LRRC75A: variants seen among roughly 807,000 people sequenced by gnomAD.
LRRC75A encodes the protein leucine rich repeat containing 75A.
LRRC75A carries 12 observed loss-of-function variants against 26.0 expected under a neutral mutation model. The ratio of observed to expected loss-of-function variants is 0.46; its 90% CI spans 0.30 to 0.75. LRRC75A has a LOEUF of 0.75. Among genes scored for constraint, LRRC75A ranks in the 30% least tolerant of loss-of-function variants. The pLI is 0.08. For synonymous variants in LRRC75A, 223 were observed against 219.3 expected (o/e 1.02, Z -0.15); for missense variants, 410 against 486.6 (o/e 0.84, Z 1.48).
chr17:16,489,793 C>T (rs558731482), intron 1 of LRRC75A, among the ~76,000 whole-genome samples: 1 of 152,334 alleles, frequency 6.6e-6, no homozygotes, highest in South Asian at 2.1e-4. Context: ...GGGAGCCCAA[C>T]AGGAGCCCAG....
Position 16,443,623 on chromosome 17 carries a change from C to T in LRRC75A, c.1000G>A (p.Glu334Lys). ...GCTGCAGCTACAGTCTCCTTGCCCT[C>T]ATGGTGGTCTTCGGCAGGTGCCACA... ...GPVAPAEDHH[E>K]GKETVAAAQT Residue 334 changes from glutamate (E) to lysine (K), a missense_variant, in exon 4 of 4, where the codon GAG becomes AAG. Physicochemically the swap from Glu to Lys is moderately conservative, Grantham distance 56 (BLOSUM62 1). Coordinates refer to ENST00000470794, the MANE Select transcript of LRRC75A (RefSeq NM_001113567.3). The T allele has an allele frequency of 6.5e-7, 1 of 1,546,170 alleles. No homozygotes were observed. The highest frequency in any genetic ancestry group is 8.8e-7 in the Non-Finnish European group (1 of 1,142,622).
intron 2 of LRRC75A, among the ~76,000 whole-genome samples, chr17:16,459,090 C>T (rs2093707766): frequency 6.6e-6 from 1 of 152,188 alleles, no homozygotes; most frequent in African/African-American, 2.4e-5. Context: ...CTGTCCTCAA[C>T]CCTTTACTAA....
intron 1 of LRRC75A, among the ~76,000 whole-genome samples, chr17:16,477,664 G>T (rs2093824283): frequency 6.6e-6 from 1 of 152,216 alleles, no homozygotes; most frequent in Admixed American, 6.5e-5. Context: ...CCTTCCAGGG[G>T]CCTTCCCAGC....
chr17:16,453,328 GCACACGCA>G (rs375240231), intron 2 of LRRC75A, among the ~76,000 whole-genome samples: 2,475 of 139,222 alleles, frequency 0.018, 68 homozygotes, highest in African/African-American at 0.061. Flanking sequence ...ACGCACACAC[GCACACGCA>G]CACACGCACA....
Position 16,477,629 on chromosome 17 carries a change from G to A in LRRC75A, c.246+14116C>T, listed in dbSNP as rs1038922269. On this transcript the variant is annotated intron_variant, in intron 1 of 3. Transcript: ENST00000470794. ...CTGGGCAGTGGGGAGGGCAGAAGCCGGCCCAGGAAGGGAGCCACAGATGCC... is the reference window on the plus strand; with the variant it reads ...CTGGGCAGTGGGGAGGGCAGAAGCCAGCCCAGGAAGGGAGCCACAGATGCC... Among the ~76,000 whole-genome samples the A allele has an allele frequency of 3.3e-5, 5 of 152,282 alleles. No homozygotes were observed. In the East Asian group the frequency reaches 5.8e-4, roughly 18 times the overall value.
chr17:16,478,556 G>A (rs2093826487), intron 1 of LRRC75A: 1 of 152,228 alleles, frequency 6.6e-6, no homozygotes, highest in South Asian at 2.1e-4. Flanking sequence ...TACCTTCAGA[G>A]AGCCCTCTTC....
intron 2 of LRRC75A, among the ~76,000 whole-genome samples, chr17:16,458,090 A>G (rs2093698939): frequency 6.6e-6 from 1 of 152,156 alleles, no homozygotes; most frequent in African/African-American, 2.4e-5. Flanking sequence ...GGATCACCTG[A>G]GGTCAGGAGT....
chr17:16,441,863 A>G lies in LRRC75A; in HGVS notation c.*1725T>C, dbSNP rs1219090521. The G allele has an allele frequency of 3.6e-5, 6 of 165,006 alleles. No individual in the cohort carries two copies. The highest frequency in any genetic ancestry group is 3.4e-4 in the Admixed American group (6 of 17,552). The allele number at this position is 165,006 out of a possible 1,614,324, so 10.2% of individuals were successfully genotyped here. On this transcript the variant is annotated 3_prime_UTR_variant, in exon 4 of 4. Coordinates refer to ENST00000470794, the MANE Select transcript of LRRC75A (RefSeq NM_001113567.3). ...TTTGTCCCTTGCCATCATGCCCAACAAGAGGTTCTATACCTTTTAATGAAT... is the reference window on the plus strand; with the variant it reads ...TTTGTCCCTTGCCATCATGCCCAACGAGAGGTTCTATACCTTTTAATGAAT...
chr17:16,449,809 G>A (rs956702662), intron 2 of LRRC75A, among the ~76,000 whole-genome samples: 2 of 152,100 alleles, frequency 1.3e-5, no homozygotes, highest in African/African-American at 4.8e-5. Flanking sequence ...TAGAGATGGG[G>A]TTTCACCATG....
chr17:16,471,307 A>G (rs920861260), intron 1 of LRRC75A, among the ~76,000 whole-genome samples: 1 of 152,234 alleles, frequency 6.6e-6, no homozygotes, highest in East Asian at 1.9e-4. Context: ...CGACACTCTC[A>G]TCTCAGACTT....
At chr17:16,490,974 G>C (rs1486730386) in intron 1 of LRRC75A, among the ~76,000 whole-genome samples, 1 of 152,280 alleles carries the variant, frequency 6.6e-6, no homozygotes, top group Non-Finnish European at 1.5e-5. Context: ...AGAGAGGTGA[G>C]TGATAGCATT....
intron 1 of LRRC75A, chr17:16,463,429 T>C (rs1456682129): frequency 4.6e-5 from 7 of 152,178 alleles, no homozygotes; most frequent in African/African-American, 1.7e-4. Context: ...GACCAGGCAA[T>C]GCTGACATTC....
intron 2 of LRRC75A, among the ~76,000 whole-genome samples, chr17:16,459,027 C>T (rs983734072): frequency 1.3e-5 from 2 of 152,210 alleles, no homozygotes; most frequent in African/African-American, 4.8e-5. Context: ...GAAACAACTT[C>T]CTACTACTGC....
intron 1 of LRRC75A, among the ~76,000 whole-genome samples, chr17:16,487,258 G>T (rs1183539489): frequency 6.6e-6 from 1 of 152,154 alleles, no homozygotes. Flanking sequence ...GGGCCCCCCT[G>T]CTCGGTGTCT....
At chr17:16,487,464 G>A (rs1431890844) in intron 1 of LRRC75A, among the ~76,000 whole-genome samples, 1 of 152,086 alleles carries the variant, frequency 6.6e-6, no homozygotes, top group Non-Finnish European at 1.5e-5. Flanking sequence ...AAACTCTTAG[G>A]TCCTGGCTCT....
Position 16,443,893 on chromosome 17 carries a change from G to T in LRRC75A, c.730C>A (p.Arg244=). 6.2e-7 allele frequency: 1 copy of T among 1,613,292 alleles called. No homozygotes were observed. The highest frequency in any genetic ancestry group is 8.5e-7 in the Non-Finnish European group (1 of 1,179,402). The stretch of plus-strand genomic sequence containing the variant: ...TCAGTGAGGTCGCGCAGCACGGCCC[G>T]GGTCAACCGGTTGCCATTGAGTGCC... The part of the protein sequence containing the change: ...TLALNGNRLT[R]AVLRDLTDIL... Residue 244 remains arginine, a synonymous_variant, in exon 4 of 4, where the codon CGG becomes AGG. Transcript: ENST00000470794.
At chr17:16,490,932 A>G (rs2093855870) in intron 1 of LRRC75A, among the ~76,000 whole-genome samples, 1 of 152,196 alleles carries the variant, frequency 6.6e-6, no homozygotes, top group Non-Finnish European at 1.5e-5. Context: ...TCCTCTCCCC[A>G]CCAAAGAAAC....
intron 1 of LRRC75A, among the ~76,000 whole-genome samples, chr17:16,469,574 G>A (rs1449849133): frequency 6.6e-6 from 1 of 152,190 alleles, no homozygotes; most frequent in Non-Finnish European, 1.5e-5. Flanking sequence ...ACCTCTCAGG[G>A]CTCTGGCTTG....
chr17:16,446,664 C>T (rs1211658263), intron 3 of LRRC75A, among the ~76,000 whole-genome samples: 12 of 151,972 alleles, frequency 7.9e-5, no homozygotes, highest in Admixed American at 3.9e-4. Context: ...ACATGGCTTC[C>T]GAATGAAGAA....
Sources: allele counts gnomAD v4.1 joint callset (sites outside exome capture counted in the v4.1 genomes callset), GRCh38; gene constraint gnomAD v4.1.1; transcripts MANE v1.5; gene names NCBI Gene and HGNC (gene_info 2026-07-23, HGNC 2026-07-21).